The following THRAP3 variants were observed in gnomAD, a reference collection of about 807,000 sequenced individuals.
THRAP3 encodes the protein thyroid hormone receptor-associated protein 3.
A neutral mutation model predicts 101.0 loss-of-function variants in THRAP3; 16 were observed. That is an observed-to-expected ratio of 0.16 (90% CI 0.11 to 0.24). The LOEUF (loss-of-function observed/expected upper bound fraction) is 0.24, where lower values mean the gene tolerates loss of function less well. Ranked by LOEUF, THRAP3 falls within the 10% of genes least tolerant of loss-of-function variation. The pLI, the probability that THRAP3 is intolerant of heterozygous loss-of-function variation, is 1.00. For missense variants in THRAP3, 989 were observed against 1,202.7 expected, an observed-to-expected ratio of 0.82 and a Z score of 2.63; for synonymous variants, 407 against 422.6, an observed-to-expected ratio of 0.96 and a Z score of 0.45.
intron 9 of THRAP3, 54 bp from the exon 10 acceptor site, chr1:36,300,832 A>G (rs1202082115): frequency 6.3e-7 from 1 of 1,585,012 alleles, no homozygotes. Flanking sequence ...GGCCCCAGCC[A>G]AGCAGTGTCC....
At position 36,295,954 on chromosome 1, in the gene THRAP3, CTTTTTTTTTTTTTTTTTTTTTT is replaced by C. The variant is rs575028397; in HGVS notation, c.2116-613_2116-592del. 1.1e-3 allele frequency among the ~76,000 whole-genome samples: 68 copies of C among 60,498 alleles called. 1 individual carries two copies. Among genetic ancestry groups the C allele is most frequent in the Admixed American group, 8.6e-3 (32 of 3,736 alleles). The allele number at this position is 60,498 out of a possible 152,430, so 39.7% of individuals were successfully genotyped here. A position where few individuals can be genotyped will look rare whatever the true frequency, so the allele number is the denominator to read the frequency against. On this transcript the variant is annotated intron_variant, in intron 8 of 11. Coordinates refer to ENST00000354618, the MANE Select transcript of THRAP3 (RefSeq NM_005119.4). ...CCAGAGCTAATTTTAGCCTTCTCAA[CTTTTTTTTTTTTTTTTTTTTTT>C]TTTTTTTTTTTTTTTGAGAGATAGT...
At chr1:36,284,954 C>T (rs1052667200) in intron 3 of THRAP3, among the ~76,000 whole-genome samples, 11 of 152,208 alleles carry the variant, frequency 7.2e-5, no homozygotes, top group Admixed American at 2.0e-4. Flanking sequence ...TACTTAATTA[C>T]AATAACAACC....
Position 36,286,224 on chromosome 1 carries a change from G to A in THRAP3, c.138-144G>A. The A allele has an allele frequency of 2.7e-6, 2 of 736,774 alleles. No homozygotes were observed. Among genetic ancestry groups the A allele is most frequent in the Non-Finnish European group, 2.2e-6 (1 of 452,608 alleles). 45.6% of individuals were successfully genotyped at this position (736,774 alleles called of 1,614,324 possible). On this transcript the variant is annotated intron_variant, in intron 3 of 11. Coordinates refer to ENST00000354618, the MANE Select transcript of THRAP3 (RefSeq NM_005119.4). The surrounding 1 kb of genome is among the most constrained non-coding windows in gnomAD (Gnocchi z 5.5). Reference sequence around the variant, plus strand: ...GTACTTAGTAAGGGCCATACGTAGTGGGATTAAATATTTGTGCCCTTGCTT... The same window carrying A: ...GTACTTAGTAAGGGCCATACGTAGTAGGATTAAATATTTGTGCCCTTGCTT...
rs143613830 is a variant in THRAP3, at chr1:36,261,123, C to T, written c.-32+1639C>T. On this transcript the variant is annotated intron_variant, in intron 2 of 11. Transcript: ENST00000354618. Reference sequence around the variant, plus strand: ...ATTATAAATTTTATCTTGGGCTAAGCGCAGTAGCTCACACCTGTAAGCGAA... The same window carrying T: ...ATTATAAATTTTATCTTGGGCTAAGTGCAGTAGCTCACACCTGTAAGCGAA... 9.1e-3 allele frequency among the ~76,000 whole-genome samples: 1,381 copies of T among 152,138 alleles called. 18 individuals carry two copies. The highest frequency in any genetic ancestry group is 0.031 in the African/African-American group (1,304 of 41,512).
In THRAP3 at chr1:36,273,380, C is replaced by T. The variant is rs532585260; in HGVS notation, c.-31-9153C>T. ...AGACACATTTCAGTGAAGTCCAGCA[C>T]CTTCTCATTATAAAAATAGTCAACA... On this transcript the variant is annotated intron_variant, in intron 2 of 11. Coordinates refer to ENST00000354618, the MANE Select transcript of THRAP3 (RefSeq NM_005119.4). Among the ~76,000 whole-genome samples the T allele has an allele frequency of 2.6e-5, 4 of 152,234 alleles. No individual in the cohort carries two copies. In the East Asian group the frequency reaches 7.7e-4, roughly 29 times the overall value.
At chr1:36,243,952 G>T (rs1645199330) in intron 1 of THRAP3, among the ~76,000 whole-genome samples, 1 of 4,086 alleles carries the variant, frequency 2.4e-4, no homozygotes, top group African/African-American at 8.2e-4. Context: ...TCCCGGATGG[G>T]GCGGCTGGCG....
intron 3 of THRAP3, among the ~76,000 whole-genome samples, chr1:36,283,831 G>GT (rs1484735524): frequency 1.3e-5 from 2 of 152,044 alleles, no homozygotes; most frequent in Non-Finnish European, 2.9e-5. Context: ...TAGTAGTTTT[G>GT]TTTTTTTACC....
At chr1:36,252,743 A>G (rs1164524743) in intron 1 of THRAP3, among the ~76,000 whole-genome samples, 2 of 151,482 alleles carry the variant, frequency 1.3e-5, no homozygotes, top group Non-Finnish European at 2.9e-5. Flanking sequence ...TGTCTCTACT[A>G]AAAATACAAA....
At chr1:36,288,245 G>A in intron 4 of THRAP3, 1 of 773,516 alleles carries the variant, frequency 1.3e-6, no homozygotes, top group South Asian at 5.9e-5. Flanking sequence ...TGAGGTTTTG[G>A]TGCACCCATC....
intron 2 of THRAP3, among the ~76,000 whole-genome samples, chr1:36,259,774 AAAAG>A (rs1429880409): frequency 1.3e-5 from 2 of 151,544 alleles, no homozygotes; most frequent in Non-Finnish European, 2.9e-5. Context: ...AAAAAAAAAA[AAAAG>A]AAAAGAAAAA....
In THRAP3 at chr1:36,282,548, G is replaced by C; in HGVS notation, c.-16G>C. Reference sequence around the variant, plus strand: ...CTTACATTAGGTGTAATTGAAAAGTGATCCTCTCTTCAGAGATGTCAAAAA... The same window carrying C: ...CTTACATTAGGTGTAATTGAAAAGTCATCCTCTCTTCAGAGATGTCAAAAA... On this transcript the variant is annotated 5_prime_UTR_variant, in exon 3 of 12. Coordinates refer to ENST00000354618, the MANE Select transcript of THRAP3 (RefSeq NM_005119.4). 6.2e-7 allele frequency: 1 copy of C among 1,612,248 alleles called. No individual in the cohort carries two copies. Among genetic ancestry groups the C allele is most frequent in the Non-Finnish European group, 8.5e-7 (1 of 1,178,940 alleles).
intron 8 of THRAP3, among the ~76,000 whole-genome samples, chr1:36,295,471 T>TGA (rs1261254130): frequency 2.9e-4 from 44 of 152,218 alleles, no homozygotes; most frequent in African/African-American, 1.0e-3. Flanking sequence ...TGCAGTGGTC[T>TGA]GAGCAGGTGT....
rs148885088 is a variant in THRAP3 at position 36,249,489 on chromosome 1, C to T, written c.-134-9893C>T. Among the ~76,000 whole-genome samples, 439 of 152,174 alleles carry T rather than the reference C, an allele frequency of 2.9e-3. 5 individuals are homozygous for T. Among genetic ancestry groups the T allele is most frequent in the African/African-American group, 0.01 (422 of 41,512 alleles). On this transcript the variant is annotated intron_variant, in intron 1 of 11. Transcript: ENST00000354618. The stretch of plus-strand genomic sequence containing the variant: ...TACAGGCGTGAGCCACTGCCCCCAG[C>T]CCCACAGTCCCTATTCTTAAGGGAC...
rs557924905 is a variant in THRAP3 at position 36,303,713 on chromosome 1, G to C, written c.2647-83G>C. 16 of 1,584,406 alleles carry C rather than the reference G, an allele frequency of 1.0e-5. No individual in the cohort carries two copies. The African/African-American group carries it at 1.4e-4, about 13-fold the overall frequency. ...TAGGGCACAGGTTCTTTTGGGAAAG[G>C]CACATTTGGGTGCGTGCAGAGAAGA... is the stretch of plus-strand genomic sequence containing the variant. On this transcript the variant is annotated intron_variant, in intron 11 of 11. Transcript: ENST00000354618.
intron 2 of THRAP3, among the ~76,000 whole-genome samples, chr1:36,271,635 C>T (rs751433725): frequency 9.0e-5 from 11 of 121,632 alleles, no homozygotes; most frequent in Admixed American, 2.1e-4. Context: ...CTCTTTCTGT[C>T]GCACAAGCTG....
At chr1:36,252,952 ATATATATATATATATAT>A (rs1645324984) in intron 1 of THRAP3, among the ~76,000 whole-genome samples, 1 of 126,648 alleles carries the variant, frequency 7.9e-6, no homozygotes, top group African/African-American at 2.9e-5. Flanking sequence ...ATATATATAT[ATATATATATATATATAT>A]AAATGTAAAT....
chr1:36,255,984 A>G (rs1486950777), intron 1 of THRAP3, among the ~76,000 whole-genome samples: 2 of 151,970 alleles, frequency 1.3e-5, no homozygotes, highest in African/African-American at 4.8e-5. Flanking sequence ...ACGCTGGTCT[A>G]AGGCACTGTT....
Position 36,287,029 on chromosome 1 carries a change from C to A in THRAP3, c.799C>A (p.Pro267Thr), listed in dbSNP as rs1263049028. The A allele has an allele frequency of 6.2e-7, 1 of 1,613,930 alleles. No homozygotes were observed. Among genetic ancestry groups the A allele is most frequent in the Non-Finnish European group, 8.5e-7 (1 of 1,179,840 alleles). Reference sequence around the variant, plus strand: ...GGTGGTGAGGCGGCGGTCACCCCGTCCTAGCCCCGTGCCAAAACCTAGTCC... The same window carrying A: ...GGTGGTGAGGCGGCGGTCACCCCGTACTAGCCCCGTGCCAAAACCTAGTCC... The part of the protein sequence containing the change: ...SVVVRRRSPR[P>T]SPVPKPSPPL... The change falls in exon 4 of 12, where the codon CCT (proline) becomes ACT (threonine). Residue 267 changes from proline (P) to threonine (T), a missense_variant. Transcript: ENST00000354618.
chr1:36,289,333 T>C lies in THRAP3; in HGVS notation c.1314T>C (p.Ala438=), dbSNP rs775622752. The C allele has an allele frequency of 6.2e-7, 1 of 1,613,948 alleles. No individual in the cohort carries two copies. Among genetic ancestry groups the C allele is most frequent in the Admixed American group, 1.7e-5 (1 of 60,006 alleles). The part of the protein sequence containing the change: ...EEMDDQDKDK[A]KGRKESEFDD... Reference sequence around the variant, plus strand: ...TGGATGATCAAGATAAGGACAAAGCTAAGGGAAGAAAGGAATCTGAGTTTG... The same window carrying C: ...TGGATGATCAAGATAAGGACAAAGCCAAGGGAAGAAAGGAATCTGAGTTTG... The change falls in exon 5 of 12, where the codon GCT becomes GCC. Residue 438 remains alanine (A), a synonymous_variant. Transcript: ENST00000354618.
Sources: allele counts gnomAD v4.1 joint callset (sites outside exome capture counted in the v4.1 genomes callset), GRCh38; gene constraint gnomAD v4.1.1; non-coding constraint Gnocchi (gnomAD v3.1); transcripts MANE v1.5; gene names NCBI Gene and HGNC (gene_info 2026-07-23, HGNC 2026-07-21).